ARHGAP26: variants seen among roughly 807,000 people sequenced by gnomAD.
ARHGAP26 encodes the protein Rho GTPase activating protein 26.
ARHGAP26 carries 38 observed loss-of-function variants against 104.8 expected under a neutral mutation model. The ratio of observed to expected loss-of-function variants is 0.36; its 90% CI spans 0.28 to 0.48. The LOEUF is 0.48. ARHGAP26 is among the 20% of genes least tolerant of loss of function. The probability of loss-of-function intolerance (pLI) is 0.99; values close to 1 mark genes in which losing one functional copy is unlikely to be tolerated. For missense variants in ARHGAP26, 704 were observed against 947.9 expected, an observed-to-expected ratio of 0.74 and a Z score of 3.38; for synonymous variants, 341 against 340.0, an observed-to-expected ratio of 1.00 and a Z score of -0.03.
At chr5:143,116,965 C>T (rs1207998534) in intron 17 of ARHGAP26, among the ~76,000 whole-genome samples, 1 of 152,172 alleles carries the variant, frequency 6.6e-6, no homozygotes, top group Non-Finnish European at 1.5e-5. Context: ...TGGATCTCTC[C>T]CAAGTGAATA....
chr5:142,871,916 A>G lies in ARHGAP26; in HGVS notation c.155-1484A>G, dbSNP rs563077489. Reference sequence around the variant, plus strand: ...CCCCAAGTGCCTTCTTTTGGTGTAGAGCAGAGCGCTTTGGACAAACCGCAG... The same window carrying G: ...CCCCAAGTGCCTTCTTTTGGTGTAGGGCAGAGCGCTTTGGACAAACCGCAG... On this transcript the variant is annotated intron_variant, in intron 1 of 22. Coordinates refer to ENST00000645722, the MANE Select transcript of ARHGAP26 (RefSeq NM_001135608.3). This position sits in a 1 kb window ranked among gnomAD's most constrained non-coding sequence, Gnocchi z 4.1. 7.2e-5 allele frequency among the ~76,000 whole-genome samples: 11 copies of G among 152,280 alleles called. No homozygotes were observed. Among genetic ancestry groups the G allele is most frequent in the Admixed American group, 5.9e-4 (9 of 15,296 alleles).
intron 10 of ARHGAP26, among the ~76,000 whole-genome samples, chr5:142,922,927 G>A (rs1036796128): frequency 6.6e-6 from 1 of 152,174 alleles, no homozygotes; most frequent in Non-Finnish European, 1.5e-5. Flanking sequence ...AGGAAATGGA[G>A]TTTTCCTTCC....
intron 22 of ARHGAP26, chr5:143,216,872 T>C (rs1406862375): frequency 6.6e-6 from 1 of 152,532 alleles, no homozygotes; most frequent in African/African-American, 2.4e-5. Context: ...TCAAAATATG[T>C]TATTAGGTCT....
chr5:143,126,807 T>C (rs1796780157), intron 18 of ARHGAP26, among the ~76,000 whole-genome samples: 1 of 152,208 alleles, frequency 6.6e-6, no homozygotes, highest in South Asian at 2.1e-4. Context: ...ATGGCAAAGA[T>C]TTTGGCTCTT....
At chr5:143,166,187 A>G (rs915055045) in intron 20 of ARHGAP26, 4 of 948,882 alleles carry the variant, frequency 4.2e-6, no homozygotes, top group Middle Eastern at 3.7e-4. Flanking sequence ...GAACAACCCC[A>G]TGTACGTAGC....
intron 1 of ARHGAP26, among the ~76,000 whole-genome samples, chr5:142,822,018 A>T (rs556855065): frequency 9.8e-5 from 15 of 152,372 alleles, no homozygotes; most frequent in African/African-American, 3.6e-4. Context: ...TAACCTGTTA[A>T]ACATACTCCA....
intron 4 of ARHGAP26, among the ~76,000 whole-genome samples, chr5:142,884,952 C>G (rs1757502599): frequency 6.6e-6 from 1 of 152,300 alleles, no homozygotes. Context: ...TGCTGCTGCT[C>G]CCCAGCCCCC....
chr5:142,983,421 G>T (rs997599927), intron 11 of ARHGAP26, among the ~76,000 whole-genome samples: 1 of 152,176 alleles, frequency 6.6e-6, no homozygotes, highest in Non-Finnish European at 1.5e-5. Flanking sequence ...GGCCAGGCTG[G>T]TCTTGAACTC....
At chr5:142,953,835 G>T (rs1402394464) in intron 11 of ARHGAP26, among the ~76,000 whole-genome samples, 1 of 152,170 alleles carries the variant, frequency 6.6e-6, no homozygotes, top group Non-Finnish European at 1.5e-5. Context: ...ATCTGCCTGA[G>T]ATAGGGGCAC....
At chr5:143,136,619 T>A (rs1023307220) in intron 19 of ARHGAP26, among the ~76,000 whole-genome samples, 10 of 152,182 alleles carry the variant, frequency 6.6e-5, no homozygotes, top group Non-Finnish European at 1.5e-4. Flanking sequence ...GAAGGCACCC[T>A]GTGGGGGGGC....
Position 142,894,263 on chromosome 5 carries a change from G to T in ARHGAP26, c.512G>T (p.Arg171Leu). The stretch of plus-strand genomic sequence containing the variant: ...GCAGACAGCCAAGTGGACCTGGTCC[G>T]GCAGCATTTCTATGAAGTATCCCTG... ...QEADSQVDLV[R>L]QHFYEVSLEY... The change falls in exon 6 of 23, where the codon CGG becomes CTG. Residue 171 changes from arginine (R) to leucine (L), a missense_variant. Physicochemically the swap from Arg to Leu is moderately radical, Grantham distance 102 (BLOSUM62 -2). Coordinates refer to ENST00000645722, the MANE Select transcript of ARHGAP26 (RefSeq NM_001135608.3). 1 of 1,613,844 alleles carries T rather than the reference G, an allele frequency of 6.2e-7. No individual in the cohort carries two copies. Among genetic ancestry groups the T allele is most frequent in the Non-Finnish European group, 8.5e-7 (1 of 1,179,926 alleles).
Position 143,054,528 on chromosome 5 carries a change from T to C in ARHGAP26, c.1373+2T>C. On this transcript the variant is annotated splice_donor_variant, in intron 15 of 22. Transcript: ENST00000645722. LOFTEE classifies it high-confidence loss of function. The stretch of plus-strand genomic sequence containing the variant: ...TAGTGCTCTGAAGACCTACCTAAGG[T>C]AGGGACTTTCCATTTGCAAGGCAGA... 1.2e-6 allele frequency: 2 copies of C among 1,603,778 alleles called. No homozygotes were observed. The highest frequency in any genetic ancestry group is 1.7e-6 in the Non-Finnish European group (2 of 1,173,892).
At chr5:142,949,221 GGAGA>G (rs1384130756) in intron 11 of ARHGAP26, among the ~76,000 whole-genome samples, 36 of 9,710 alleles carry the variant, frequency 3.7e-3, no homozygotes, top group East Asian at 5.6e-3. Context: ...GAGAGAGAGA[GGAGA>G]GAGAGAGGAG....
intron 1 of ARHGAP26, among the ~76,000 whole-genome samples, chr5:142,856,463 T>G (rs886627752): frequency 6.6e-6 from 1 of 152,220 alleles, no homozygotes; most frequent in African/African-American, 2.4e-5. Context: ...GTTTCCTTTT[T>G]TCGTTGTGGC....
intron 20 of ARHGAP26, among the ~76,000 whole-genome samples, chr5:143,174,908 C>G (rs937391043): frequency 4.6e-5 from 7 of 152,164 alleles, no homozygotes; most frequent in Non-Finnish European, 2.9e-5. Context: ...GATAAGTACA[C>G]ATGGGCAGGT....
Position 142,932,090 on chromosome 5 carries a change from A to G in ARHGAP26, c.1072A>G (p.Arg358Gly). 8 of 1,614,086 alleles carry G rather than the reference A, an allele frequency of 5.0e-6. No homozygotes were observed. The highest frequency in any genetic ancestry group is 6.8e-6 in the Non-Finnish European group (8 of 1,179,968). ...TMQALSEEDR[R>G]LWMEAMDGRE... ...GCAAGCTTTGTCGGAAGAGGACCGG[A>G]GGCTCTGGATGGAAGCCATGGATGG... The change falls in exon 11 of 23, where the codon AGG (arginine) becomes GGG (glycine). Residue 358 changes from arginine (R) to glycine (G), a missense_variant. Around this residue, in one of 6 missense-constraint regions of ARHGAP26, gnomAD observed 287 missense variants for 438.8 expected, o/e 0.65. Transcript: ENST00000645722.
chr5:143,187,580 C>T (rs1805333673), intron 20 of ARHGAP26, among the ~76,000 whole-genome samples: 1 of 152,248 alleles, frequency 6.6e-6, no homozygotes, highest in South Asian at 2.1e-4. Context: ...GGAAGCCACA[C>T]AGGCAAGGCC....
In ARHGAP26 at chr5:143,008,871, C is replaced by T. The variant is rs183825132; in HGVS notation, c.1108-5209C>T. Among the ~76,000 whole-genome samples, 166 of 152,270 alleles carry T rather than the reference C, an allele frequency of 1.1e-3. 1 individual carries two copies. Among genetic ancestry groups the T allele is most frequent in the Non-Finnish European group, 1.6e-3 (106 of 68,024 alleles). ...GGGAATCCAGATGACTCTGTGTATT[C>T]TCTGTTAATTCTGTAGGGACATGTA... is the stretch of plus-strand genomic sequence containing the variant. On this transcript the variant is annotated intron_variant, in intron 11 of 22. Transcript: ENST00000645722.
chr5:142,963,181 T>TATATATAC lies in ARHGAP26; in HGVS notation c.1107+31063_1107+31064insCATATATA, dbSNP rs1554172166. Among the ~76,000 whole-genome samples the TATATATAC allele has an allele frequency of 6.1e-3, 679 of 111,382 alleles. 23 individuals carry two copies. The highest frequency in any genetic ancestry group is 0.038 in the East Asian group (116 of 3,074). The allele number at this position is 111,382 out of a possible 152,430, so 73.1% of individuals were successfully genotyped here. ...ATTCCATGGTATATATGTATATATA[T>TATATATAC]ATATATATATATATATATGTGTGTG... On this transcript the variant is annotated intron_variant, in intron 11 of 22. Transcript: ENST00000645722.
Sources: gnomAD v4.1 joint callset for allele counts (sites outside exome capture counted in the v4.1 genomes callset) on GRCh38, gnomAD v4.1.1 for gene constraint, gnomAD v4.1.1 regional missense constraint, Gnocchi (gnomAD v3.1) non-coding constraint, MANE v1.5 for transcripts, NCBI Gene and HGNC (gene_info 2026-07-23, HGNC 2026-07-21) for gene names.